The following PHF21B variants were observed in gnomAD, a reference collection of about 807,000 sequenced individuals.
The protein encoded by PHF21B is PHD finger protein 21B.
In PHF21B, 22 loss-of-function variants were observed where a neutral mutation model predicts 62.2. The ratio of observed to expected loss-of-function variants is 0.35; its 90% CI spans 0.25 to 0.51. The LOEUF (loss-of-function observed/expected upper bound fraction) is 0.51. Among genes scored for constraint, PHF21B ranks in the 20% least tolerant of loss-of-function variants. PHF21B has a pLI of 0.97. For synonymous variants in PHF21B, 341 were observed against 314.7 expected (o/e 1.08, Z -0.88); for missense variants, 701 against 707.9 (o/e 0.99, Z 0.11).
At position 44,882,703 on chromosome 22, in the gene PHF21B, G is replaced by T; in HGVS notation, c.*383C>A. 4.7e-6 allele frequency: 1 copy of T among 210,780 alleles called. No individual in the cohort carries two copies. The highest frequency in any genetic ancestry group is 9.4e-6 in the Non-Finnish European group (1 of 105,970). The allele number at this position is 210,780 out of a possible 1,614,324, so 13.1% of individuals were successfully genotyped here. On this transcript the variant is annotated 3_prime_UTR_variant, in exon 13 of 13. Transcript: ENST00000313237. ...ACCAATAGGCGGTGCCCTCAGTGGA[G>T]ACTGCGTTCTGGGGGGCGTGCTTGT...
intron 2 of PHF21B, among the ~76,000 whole-genome samples, chr22:44,953,150 C>T (rs1371839545): frequency 6.6e-6 from 1 of 152,156 alleles, no homozygotes; most frequent in Non-Finnish European, 1.5e-5. Context: ...GGAGAAGGTC[C>T]CCACAGGACT....
At chr22:44,939,857 AG>A (rs1569241646) in intron 2 of PHF21B, among the ~76,000 whole-genome samples, 1 of 152,176 alleles carries the variant, frequency 6.6e-6, no homozygotes, top group Non-Finnish European at 1.5e-5. Context: ...CCACGGAGGC[AG>A]GGAGACCAGG....
At position 44,996,655 on chromosome 22, in the gene PHF21B, T is replaced by TAC. The variant is rs369849208; in HGVS notation, c.120+11888_120+11889dup. ...CACTCTCTAAAGCTGCCACCTGTCC[T>TAC]ACACACACACACAGACACACAAACA... On this transcript the variant is annotated intron_variant, in intron 2 of 12. Coordinates refer to ENST00000313237, the MANE Select transcript of PHF21B (RefSeq NM_138415.5). 1.2e-3 allele frequency among the ~76,000 whole-genome samples: 184 copies of TAC among 151,114 alleles called. 1 individual carries two copies. Among genetic ancestry groups the TAC allele is most frequent in the African/African-American group, 4.1e-3 (168 of 41,172 alleles).
chr22:44,924,801 C>T (rs2071600027), intron 2 of PHF21B, among the ~76,000 whole-genome samples: 1 of 152,154 alleles, frequency 6.6e-6, no homozygotes, highest in African/African-American at 2.4e-5. Flanking sequence ...CATTCTATTC[C>T]TAAGCATTCG....
intron 2 of PHF21B, among the ~76,000 whole-genome samples, chr22:44,952,001 T>C (rs944854445): frequency 6.6e-6 from 1 of 152,228 alleles, no homozygotes; most frequent in African/African-American, 2.4e-5. Context: ...AGATCTGTGG[T>C]TAAACTTCTC....
chr22:44,988,011 A>G (rs1376186044), intron 2 of PHF21B, among the ~76,000 whole-genome samples: 3 of 152,222 alleles, frequency 2.0e-5, no homozygotes, highest in South Asian at 4.1e-4. Flanking sequence ...AAAGAACTCA[A>G]CCAGTAAGAA....
At chr22:44,988,728 G>A (rs569110951) in intron 2 of PHF21B, among the ~76,000 whole-genome samples, 6 of 152,298 alleles carry the variant, frequency 3.9e-5, no homozygotes, top group Admixed American at 3.9e-4. Context: ...TGCACATCGA[G>A]AAAAAAGCAT....
chr22:44,993,867 T>C (rs2073078910), intron 2 of PHF21B, among the ~76,000 whole-genome samples: 1 of 152,194 alleles, frequency 6.6e-6, no homozygotes, highest in Non-Finnish European at 1.5e-5. Context: ...CACAACCTAA[T>C]ATCAAACCTT....
At chr22:44,928,063 C>G (rs2071667680) in intron 2 of PHF21B, among the ~76,000 whole-genome samples, 1 of 152,136 alleles carries the variant, frequency 6.6e-6, no homozygotes, top group Non-Finnish European at 1.5e-5. Context: ...AGGGCAAAAG[C>G]CACATGTGGC....
chr22:44,945,099 G>A (rs1384765870), intron 2 of PHF21B, among the ~76,000 whole-genome samples: 3 of 152,198 alleles, frequency 2.0e-5, no homozygotes, highest in Non-Finnish European at 4.4e-5. Context: ...TAAATCACTG[G>A]TGAAAACGAG....
intron 2 of PHF21B, among the ~76,000 whole-genome samples, chr22:44,995,038 G>C (rs2073098336): frequency 6.6e-6 from 1 of 152,178 alleles, no homozygotes; most frequent in Admixed American, 6.5e-5. Context: ...AGCTGTGTTT[G>C]CCTTTTTCAT....
In PHF21B at chr22:45,009,267, T is replaced by A. The variant is rs2073382298; in HGVS notation, c.54+229A>T. ...CTTAAGAGAAGACTCCAGGCTCGGG[T>A]CCCACGCGTCCTCGATCCCGCAAAC... On this transcript the variant is annotated intron_variant, in intron 1 of 12. Coordinates refer to ENST00000313237, the MANE Select transcript of PHF21B (RefSeq NM_138415.5). This position sits in a 1 kb window ranked among gnomAD's most constrained non-coding sequence, Gnocchi z 5.9. 7.3e-6 allele frequency: 4 copies of A among 549,750 alleles called. No homozygotes were observed. In the South Asian group the frequency reaches 9.8e-5, roughly 14 times the overall value. 34.1% of individuals were successfully genotyped at this position (549,750 alleles called of 1,614,324 possible).
rs1012153302 is a variant in PHF21B at position 44,997,431 on chromosome 22, G to T, written c.120+11114C>A. Among the ~76,000 whole-genome samples, 4 of 152,212 alleles carry T rather than the reference G, an allele frequency of 2.6e-5. No homozygotes were observed. The South Asian group carries it at 6.2e-4, about 24-fold the overall frequency. On this transcript the variant is annotated intron_variant, in intron 2 of 12. Transcript: ENST00000313237. ...TTGCAATGGCTGCAGGGAGGTGGAC[G>T]TGGGCAATGTGGACAAACAGAGTTT... is the stretch of plus-strand genomic sequence containing the variant.
chr22:44,897,930 T>C (rs996073421), intron 5 of PHF21B, among the ~76,000 whole-genome samples: 11 of 152,236 alleles, frequency 7.2e-5, no homozygotes, highest in African/African-American at 1.9e-4. Flanking sequence ...TGCCTCAGCC[T>C]CCCAAGTAAC....
chr22:44,923,331 C>CAAAAAAAA (rs34100382), intron 2 of PHF21B, among the ~76,000 whole-genome samples: 8 of 125,112 alleles, frequency 6.4e-5, no homozygotes, highest in African/African-American at 8.6e-5. Flanking sequence ...CATACCATAT[C>CAAAAAAAA]AAAAAAAAAA....
chr22:44,949,301 C>CAAA (rs1173438062), intron 2 of PHF21B, among the ~76,000 whole-genome samples: 19 of 42,404 alleles, frequency 4.5e-4, no homozygotes, highest in South Asian at 8.1e-4. Flanking sequence ...AACTCCATCT[C>CAAA]AAAAAAAAGA....
intron 2 of PHF21B, among the ~76,000 whole-genome samples, chr22:44,970,299 C>A (rs1338247091): frequency 2.0e-5 from 3 of 152,230 alleles, no homozygotes; most frequent in Non-Finnish European, 2.9e-5. Context: ...ATCTTTTCTG[C>A]ACACTATTTT....
intron 2 of PHF21B, among the ~76,000 whole-genome samples, chr22:44,929,520 C>T (rs769639506): frequency 1.6e-4 from 25 of 152,200 alleles, no homozygotes; most frequent in Non-Finnish European, 3.1e-4. Context: ...CCACCATGCC[C>T]GGTGCACCTG....
At chr22:45,004,562 TGAG>T (rs1159335300) in intron 2 of PHF21B, among the ~76,000 whole-genome samples, 1 of 152,210 alleles carries the variant, frequency 6.6e-6, no homozygotes, top group African/African-American at 2.4e-5. Context: ...GTTTCAACAA[TGAG>T]AACTGGCACT....
Sources: allele counts gnomAD v4.1 joint callset (sites outside exome capture counted in the v4.1 genomes callset), GRCh38; gene constraint gnomAD v4.1.1; non-coding constraint Gnocchi (gnomAD v3.1); transcripts MANE v1.5; gene names NCBI Gene and HGNC (gene_info 2026-07-23, HGNC 2026-07-21).